Variants in DOK5 observed in about 807,000 individuals in gnomAD.
DOK5 encodes the protein downstream of tyrosine kinase 5.
Under a neutral mutation model 43.3 loss-of-function variants are expected in DOK5, and 27 were observed. That is an observed-to-expected ratio of 0.62 (90% confidence interval 0.46 to 0.86). DOK5 has a LOEUF of 0.86. DOK5 is among the 40% of genes least tolerant of loss of function. The probability of loss-of-function intolerance (pLI) is 0.00; values close to 1 mark genes in which losing one functional copy is unlikely to be tolerated. For missense variants in DOK5, 373 were observed against 392.9 expected, an observed-to-expected ratio of 0.95 and a Z score of 0.43; for synonymous variants, 146 against 140.1, an observed-to-expected ratio of 1.04 and a Z score of -0.30.
intron 1 of DOK5, among the ~76,000 whole-genome samples, chr20:54,554,009 TTCTC>T (rs1267442602): frequency 6.6e-6 from 1 of 152,274 alleles, no homozygotes; most frequent in East Asian, 1.9e-4. Flanking sequence ...TCTTTGCATT[TTCTC>T]TCTCTGGCAT....
intron 6 of DOK5, among the ~76,000 whole-genome samples, chr20:54,638,218 A>T (rs575985068): frequency 6.6e-6 from 1 of 152,240 alleles, no homozygotes; most frequent in East Asian, 1.9e-4. Flanking sequence ...CAGTGAAATG[A>T]TGAGATATCT....
intron 7 of DOK5, among the ~76,000 whole-genome samples, chr20:54,644,136 C>T (rs956257136): frequency 9.9e-5 from 15 of 152,148 alleles, no homozygotes; most frequent in African/African-American, 3.6e-4. Context: ...TGGATGGGGC[C>T]CTGGACTGAG....
chr20:54,481,236 CT>C (rs1180008247), intron 1 of DOK5, among the ~76,000 whole-genome samples: 2 of 151,902 alleles, frequency 1.3e-5, no homozygotes, highest in African/African-American at 4.8e-5. Flanking sequence ...GTGGCGTGAT[CT>C]CAGCTCACTG....
intron 6 of DOK5, among the ~76,000 whole-genome samples, chr20:54,615,772 T>G (rs570768078): frequency 4.1e-4 from 62 of 152,102 alleles, no homozygotes; most frequent in African/African-American, 1.5e-3. Flanking sequence ...TAGCTGGGCG[T>G]GGTGGCGTGT....
intron 5 of DOK5, among the ~76,000 whole-genome samples, chr20:54,602,439 G>A (rs1150423): frequency 0.15 from 23,506 of 152,178 alleles, 2,358 homozygotes; most frequent in East Asian, 0.37. Flanking sequence ...AATGTGGTAT[G>A]ATTTTGGGCA....
intron 1 of DOK5, among the ~76,000 whole-genome samples, chr20:54,509,709 C>T (rs1982947589): frequency 6.6e-6 from 1 of 152,090 alleles, no homozygotes; most frequent in Admixed American, 6.6e-5. Flanking sequence ...CTCTCCTCTC[C>T]ACTTCTCTAA....
At chr20:54,567,764 T>C (rs1196677601) in intron 2 of DOK5, among the ~76,000 whole-genome samples, 1 of 152,178 alleles carries the variant, frequency 6.6e-6, no homozygotes, top group Non-Finnish European at 1.5e-5. Context: ...ATAGAGCAAA[T>C]TGTGGGAGAA....
chr20:54,629,671 G>T (rs184542021), intron 6 of DOK5, among the ~76,000 whole-genome samples: 79 of 152,342 alleles, frequency 5.2e-4, no homozygotes, highest in African/African-American at 1.9e-3. Context: ...TTACTACATT[G>T]CTGTGGGTGG....
Position 54,582,371 on chromosome 20 carries a change from C to A in DOK5, c.175-6112C>A, listed in dbSNP as rs371810565. Among the ~76,000 whole-genome samples the A allele has an allele frequency of 5.9e-5, 9 of 151,812 alleles. 1 individual carries two copies. In the South Asian group the frequency reaches 1.9e-3, roughly 32 times the overall value. ...TGGTATCACAGTAATGTTGGTCTCA[C>A]AGAATGAATTTGGAAGCGTTCCTTC... On this transcript the variant is annotated intron_variant, in intron 2 of 7. Transcript: ENST00000262593.
chr20:54,617,653 C>G (rs1986857158), intron 6 of DOK5, among the ~76,000 whole-genome samples: 2 of 152,140 alleles, frequency 1.3e-5, no homozygotes, highest in Non-Finnish European at 2.9e-5. Flanking sequence ...AAATCATAAG[C>G]CCTGTGCATA....
intron 1 of DOK5, among the ~76,000 whole-genome samples, chr20:54,485,756 A>G (rs902970527): frequency 3.9e-5 from 6 of 152,164 alleles, no homozygotes; most frequent in South Asian, 2.1e-4. Flanking sequence ...CAGTTGTACC[A>G]TTTTACATTC....
intron 1 of DOK5, among the ~76,000 whole-genome samples, chr20:54,526,872 C>A (rs757599118): frequency 1.8e-4 from 27 of 152,002 alleles, no homozygotes; most frequent in Non-Finnish European, 3.2e-4. Flanking sequence ...GCTTTAAGAT[C>A]AATTGCTTAA....
At chr20:54,598,190 T>C (rs1986199537) in intron 5 of DOK5, among the ~76,000 whole-genome samples, 1 of 152,252 alleles carries the variant, frequency 6.6e-6, no homozygotes, top group Non-Finnish European at 1.5e-5. Context: ...TCTCTATTTT[T>C]TGAGGAAATT....
intron 1 of DOK5, among the ~76,000 whole-genome samples, chr20:54,484,045 C>G (rs1436712485): frequency 6.6e-6 from 1 of 152,118 alleles, no homozygotes; most frequent in Non-Finnish European, 1.5e-5. Flanking sequence ...GTCCTCCCTG[C>G]CCCAGCCTCT....
chr20:54,483,697 C>T (rs993637736), intron 1 of DOK5, among the ~76,000 whole-genome samples: 9 of 151,952 alleles, frequency 5.9e-5, no homozygotes, highest in East Asian at 1.9e-4. Flanking sequence ...ATGGTGCGAC[C>T]CCCCCGTTCC....
chr20:54,570,011 G>A (rs1226126390), intron 2 of DOK5, among the ~76,000 whole-genome samples: 1 of 152,172 alleles, frequency 6.6e-6, no homozygotes, highest in Non-Finnish European at 1.5e-5. Context: ...TGGATGAAAT[G>A]TCTTGTGGAT....
chr20:54,492,675 A>G (rs1237575050), intron 1 of DOK5, among the ~76,000 whole-genome samples: 2 of 148,854 alleles, frequency 1.3e-5, no homozygotes, highest in African/African-American at 5.1e-5. Context: ...AGTGCTTGTA[A>G]GAGTGTGGCT....
intron 5 of DOK5, among the ~76,000 whole-genome samples, chr20:54,599,405 G>A (rs1404518816): frequency 6.6e-6 from 1 of 152,204 alleles, no homozygotes; most frequent in East Asian, 1.9e-4. Flanking sequence ...GTAGAGGCAT[G>A]TATGAAATCA....
Position 54,555,035 on chromosome 20 carries a change from C to T in DOK5, c.169C>T (p.His57Tyr). 4 of 1,607,768 alleles carry T rather than the reference C, an allele frequency of 2.5e-6. No individual in the cohort carries two copies. Among genetic ancestry groups the T allele is most frequent in the Non-Finnish European group, 3.4e-6 (4 of 1,174,296 alleles). ...ACGTGCTGCATATTTCAGGTGTTAT[C>T]ATAAGGTAAGACTCAATTGCTGTAG... ...DERAAYFRCY[H>Y]KVTELNNVKN... is the part of the protein sequence containing the mutation. Residue 57 changes from histidine (H) to tyrosine (Y), a missense_variant, in exon 2 of 8, where the codon CAT (histidine) becomes TAT (tyrosine). Transcript: ENST00000262593.
Sources: allele counts gnomAD v4.1 joint callset (sites outside exome capture counted in the v4.1 genomes callset), GRCh38; gene constraint gnomAD v4.1.1; transcripts MANE v1.5; gene names NCBI Gene and HGNC (gene_info 2026-07-23, HGNC 2026-07-21).